The following ADSS1 variants were observed in gnomAD, a reference collection of about 807,000 sequenced individuals.
ADSS1 encodes the protein adenylosuccinate synthase 1.
ADSS1 carries 57 observed loss-of-function variants against 59.1 expected under a neutral mutation model. That is an observed-to-expected ratio of 0.97 (90% CI 0.78 to 1.20). The LOEUF (loss-of-function observed/expected upper bound fraction) is 1.20, where lower values mean the gene tolerates loss of function less well. ADSS1 is among the 50% of genes most tolerant of loss of function. ADSS1 has a pLI of 0.00. For missense variants in ADSS1, 603 were observed against 610.3 expected, an observed-to-expected ratio of 0.99 and a Z score of 0.13; for synonymous variants, 247 against 249.4, an observed-to-expected ratio of 0.99 and a Z score of 0.09.
chr14:104,738,429 G>A lies in ADSS1; in HGVS notation c.349G>A (p.Glu117Lys). Residue 117 changes from glutamate to lysine, a missense_variant, in exon 3 of 13, where the codon GAA becomes AAA. By Grantham distance (56) the Glu-to-Lys change is moderately conservative (BLOSUM62 1). Transcript: ENST00000330877. Reference protein sequence around the residue: ...PGLFEEAEKNEKKGLKDWEKR... With the variant: ...PGLFEEAEKNKKKGLKDWEKR... ...CTTGTTTGAGGAAGCAGAGAAGAAT[G>A]AAAAGAAAGGTAGGTCCAAGCTCCT... is the stretch of plus-strand genomic sequence containing the variant. 6.2e-7 allele frequency: 1 copy of A among 1,613,840 alleles called. No homozygotes were observed. The highest frequency in any genetic ancestry group is 1.1e-5 in the South Asian group (1 of 91,068).
rs998216297 is a variant in ADSS1 at position 104,740,344 on chromosome 14, C to A, written c.477-257C>A. 6.6e-6 allele frequency among the ~76,000 whole-genome samples: 1 copy of A among 152,038 alleles called. No homozygotes were observed. Among genetic ancestry groups the A allele is most frequent in the Non-Finnish European group, 1.5e-5 (1 of 68,000 alleles). Reference sequence around the variant, plus strand: ...CACACGCCACACAAGCCCACACACCCACGCAAATGCACAAAAGTACACACA... The same window carrying A: ...CACACGCCACACAAGCCCACACACCAACGCAAATGCACAAAAGTACACACA... On this transcript the variant is annotated intron_variant, in intron 5 of 12. Transcript: ENST00000330877. The surrounding 1 kb of genome is among the most constrained non-coding windows in gnomAD (Gnocchi z 4.8).
chr14:104,744,820 T>A lies in ADSS1; in HGVS notation c.1082T>A (p.Leu361Gln), dbSNP rs773731236. Residue 361 changes from leucine (L) to glutamine (Q), a missense_variant, in exon 11 of 13, where the codon CTG becomes CAG. Leu to Gln is a moderately radical substitution (Grantham distance 113, BLOSUM62 -2). Transcript: ENST00000330877. Reference sequence around the variant, plus strand: ...CCCTTGGCTTTCCACAGGCTGGCCCTGACGAAGCTGGACATCCTGGACGTA... The same window carrying A: ...CCCTTGGCTTTCCACAGGCTGGCCCAGACGAAGCTGGACATCCTGGACGTA... Reference protein sequence around the residue: ...HMVNGFTALALTKLDILDVLG... With the variant: ...HMVNGFTALAQTKLDILDVLG... 4.3e-6 allele frequency: 7 copies of A among 1,614,204 alleles called. No homozygotes were observed. The highest frequency in any genetic ancestry group is 5.9e-6 in the Non-Finnish European group (7 of 1,180,036).
At chr14:104,743,778 G>A (rs1377752405) in intron 10 of ADSS1, among the ~76,000 whole-genome samples, 1 of 152,234 alleles carries the variant, frequency 6.6e-6, no homozygotes, top group Non-Finnish European at 1.5e-5. Flanking sequence ...CTGCTAGGTG[G>A]GTATAGAGCT....
intron 1 of ADSS1, among the ~76,000 whole-genome samples, chr14:104,731,644 C>T (rs546456965): frequency 1.2e-4 from 19 of 152,284 alleles, no homozygotes; most frequent in East Asian, 7.7e-4. Flanking sequence ...AGAGGCCTGC[C>T]GGCTGGACGT....
At chr14:104,746,170 A>C in intron 11 of ADSS1, 66 bp from the exon 12 acceptor site, 2 of 1,539,198 alleles carry the variant, frequency 1.3e-6, no homozygotes, top group South Asian at 2.5e-5. Context: ...CCGTGTCACC[A>C]AATATCCGCT....
In ADSS1 at chr14:104,729,038, G is replaced by A. The variant is rs1890803577; in HGVS notation, c.192+4576G>A. Among the ~76,000 whole-genome samples the A allele has an allele frequency of 2.0e-5, 3 of 152,210 alleles. No individual in the cohort carries two copies. In the South Asian group the frequency reaches 6.2e-4, roughly 32 times the overall value. ...TGGGGAGGAGAAGGCTCTGGAGCAT[G>A]GGAGGTAGCGAGCCTCGTCCAGGTG... On this transcript the variant is annotated intron_variant, in intron 1 of 12. Transcript: ENST00000330877.
At chr14:104,735,177 C>T (rs1358041350) in intron 2 of ADSS1, 55 bp downstream of exon 2, 2 of 1,506,164 alleles carry the variant, frequency 1.3e-6, no homozygotes, top group African/African-American at 2.8e-5. Flanking sequence ...TCAGCCAGCC[C>T]AGGAGCCCCA....
intron 1 of ADSS1, among the ~76,000 whole-genome samples, chr14:104,728,853 A>G (rs1256865586): frequency 6.6e-6 from 1 of 152,172 alleles, no homozygotes; most frequent in Non-Finnish European, 1.5e-5. Context: ...GGAGAGGTGC[A>G]AACAGCCACT....
At chr14:104,728,581 G>A (rs1472288293) in intron 1 of ADSS1, among the ~76,000 whole-genome samples, 1 of 152,180 alleles carries the variant, frequency 6.6e-6, no homozygotes, top group Non-Finnish European at 1.5e-5. Context: ...CACCACACTG[G>A]TAGTCACAGG....
At chr14:104,741,477 AG>A (rs1293129656) in intron 8 of ADSS1, among the ~76,000 whole-genome samples, 3 of 152,192 alleles carry the variant, frequency 2.0e-5, no homozygotes, top group Non-Finnish European at 2.9e-5. Context: ...TGACAAGGTC[AG>A]GGGTGGGGCC....
intron 1 of ADSS1, among the ~76,000 whole-genome samples, chr14:104,725,556 C>CCTA (rs1211677889): frequency 2.0e-5 from 3 of 152,098 alleles, no homozygotes; most frequent in Non-Finnish European, 4.4e-5. Context: ...ACTGTGGCTT[C>CCTA]CTAGAAAGTT....
chr14:104,744,003 G>A (rs1891467929), intron 10 of ADSS1, among the ~76,000 whole-genome samples: 2 of 150,706 alleles, frequency 1.3e-5, no homozygotes, highest in South Asian at 4.3e-4. Flanking sequence ...CACGGAGGGA[G>A]GAAAAACAGA....
chr14:104,733,837 G>A lies in ADSS1; in HGVS notation c.193-1183G>A, dbSNP rs564228036. 1.5e-3 allele frequency among the ~76,000 whole-genome samples: 228 copies of A among 152,240 alleles called. 1 individual carries two copies. The highest frequency in any genetic ancestry group is 5.2e-3 in the African/African-American group (217 of 41,542). On this transcript the variant is annotated intron_variant, in intron 1 of 12. Transcript: ENST00000330877. ...GTGTGTGGCCCCCCGCAACCCCACC[G>A]GGACCCTGCTTACCCTCCAGGTGGA...
Position 104,744,924 on chromosome 14 carries a change from G to A in ADSS1, c.1171+15G>A, listed in dbSNP as rs972005441. ...CTATTTCCCAGGTATGTGAAGTGGG[G>A]CAACCGTTCTGCCTGTTGGGCCGTT... is the stretch of plus-strand genomic sequence containing the variant. On this transcript the variant is annotated intron_variant, in intron 11 of 12. Transcript: ENST00000330877. The A allele has an allele frequency of 1.2e-6, 2 of 1,611,814 alleles. No homozygotes were observed. Among genetic ancestry groups the A allele is most frequent in the African/African-American group, 2.7e-5 (2 of 74,936 alleles).
At chr14:104,728,983 C>T (rs1166445104) in intron 1 of ADSS1, among the ~76,000 whole-genome samples, 6 of 152,162 alleles carry the variant, frequency 3.9e-5, no homozygotes, top group African/African-American at 9.7e-5. Context: ...TGAGGCACGG[C>T]GCCGTCAGAC....
chr14:104,744,783 G>C (rs753298812), intron 10 of ADSS1, 29 bp from the exon 11 acceptor site: 1 of 1,610,394 alleles, frequency 6.2e-7, no homozygotes, highest in East Asian at 2.2e-5. Flanking sequence ...CCACTTCTTG[G>C]GTTTGCCCGG....
At chr14:104,735,666 C>A (rs542255837) in intron 2 of ADSS1, among the ~76,000 whole-genome samples, 160 of 152,290 alleles carry the variant, frequency 1.1e-3, no homozygotes, top group Admixed American at 2.0e-3. Flanking sequence ...GCAGAGGGAC[C>A]TCCTTCCACA....
Position 104,740,705 on chromosome 14 carries a change from C to A in ADSS1, c.581C>A (p.Ser194Tyr). ...CTGTCAGATTTTGATGAGTTTTCCT[C>A]CAGGTACCTGAGCCGTCTGCAGTCC... ...DLLSDFDEFS[S>Y]RFKNLAHQHQ... The change falls in exon 6 of 13, where the codon TCC becomes TAC. Residue 194 changes from serine (S) to tyrosine (Y), a missense_variant. Physicochemically the swap from Ser to Tyr is moderately radical, Grantham distance 144. Coordinates refer to ENST00000330877, the MANE Select transcript of ADSS1 (RefSeq NM_152328.5). The surrounding 1 kb of genome is among the most constrained non-coding windows in gnomAD (Gnocchi z 4.8). 3.7e-6 allele frequency: 6 copies of A among 1,613,964 alleles called. No homozygotes were observed. The highest frequency in any genetic ancestry group is 5.1e-6 in the Non-Finnish European group (6 of 1,179,994).
chr14:104,746,325 G>C lies in ADSS1; in HGVS notation c.1261G>C (p.Asp421His). The C allele has an allele frequency of 6.2e-7, 1 of 1,613,828 alleles. No homozygotes were observed. The highest frequency in any genetic ancestry group is 8.5e-7 in the Non-Finnish European group (1 of 1,179,960). ...ADTTGARRWEDLPPQAQNYIR... is the reference protein window; with the variant it reads ...ADTTGARRWEHLPPQAQNYIR... The stretch of plus-strand genomic sequence containing the variant: ...CACCACAGGCGCCAGGAGGTGGGAG[G>C]ACCTGCCCCCACAGGCCCAGAACTA... Residue 421 changes from aspartate (D) to histidine (H), a missense_variant, in exon 12 of 13, where the codon GAC becomes CAC. Coordinates refer to ENST00000330877, the MANE Select transcript of ADSS1 (RefSeq NM_152328.5).
Sources: gnomAD v4.1 joint callset for allele counts (sites outside exome capture counted in the v4.1 genomes callset) on GRCh38, gnomAD v4.1.1 for gene constraint, Gnocchi (gnomAD v3.1) non-coding constraint, MANE v1.5 for transcripts, NCBI Gene and HGNC (gene_info 2026-07-23, HGNC 2026-07-21) for gene names.